The following CD53 variants were observed in gnomAD, a reference collection of about 807,000 sequenced individuals.
The protein encoded by CD53 is CD53 molecule.
CD53 carries 20 observed loss-of-function variants against 27.3 expected under a neutral mutation model. That is an observed-to-expected ratio of 0.73 (90% CI 0.52 to 1.07). CD53 has a LOEUF of 1.07. Ranked by LOEUF, CD53 falls within the 50% of genes least tolerant of loss-of-function variation. The probability of loss-of-function intolerance (pLI) is 0.00; values close to 1 mark genes in which losing one functional copy is unlikely to be tolerated. For missense variants in CD53, 216 were observed against 264.0 expected (o/e 0.82, Z 1.26); for synonymous variants, 106 against 105.3 (o/e 1.01, Z -0.04).
At chr1:110,872,071 C>T (rs1283439482), upstream of CD53, among the ~76,000 whole-genome samples, 3 of 152,120 alleles carry the variant, frequency 2.0e-5, no homozygotes, top group Admixed American at 2.0e-4. Context: ...GCCCGCAAGT[C>T]AGCACCGCAG....
intron 1 of CD53, among the ~76,000 whole-genome samples, chr1:110,873,585 T>C (rs1217804624): frequency 6.6e-6 from 1 of 152,214 alleles, no homozygotes; most frequent in Non-Finnish European, 1.5e-5. Flanking sequence ...AGATTTCCTA[T>C]GTGCTCTGGT....
rs184000743 is a variant in CD53, at chr1:110,885,610, C to T, written c.-17-5782C>T. The stretch of plus-strand genomic sequence containing the variant: ...AGGTGCGGTGGCTCAAGCCTGTAAT[C>T]CCAACACTTTAGGAGGCTGAGACAG... On this transcript the variant is annotated intron_variant, in intron 1 of 7. Transcript: ENST00000271324. 5.3e-5 allele frequency among the ~76,000 whole-genome samples: 8 copies of T among 152,018 alleles called. No homozygotes were observed. The East Asian group carries it at 1.5e-3, about 29-fold the overall frequency.
chr1:110,880,015 A>T (rs558156149), intron 1 of CD53, among the ~76,000 whole-genome samples: 3 of 152,348 alleles, frequency 2.0e-5, no homozygotes, highest in Non-Finnish European at 2.9e-5. Flanking sequence ...GCTCAAGCCC[A>T]TTGGAGGAAA....
Position 110,897,880 on chromosome 1 carries a change from A to G in CD53, c.576A>G (p.Val192=), listed in dbSNP as rs1318466144. 1.2e-6 allele frequency: 2 copies of G among 1,603,984 alleles called. No homozygotes were observed. The highest frequency in any genetic ancestry group is 1.7e-6 in the Non-Finnish European group (2 of 1,171,616). ...FLYIGIITIC[V]CVIEVLGMSF... The stretch of plus-strand genomic sequence containing the variant: ...ATATCGGAATCATCACCATCTGTGT[A>G]TGTGTGATTGAGGTAAGAGCTTAAC... The change falls in exon 7 of 8, where the codon GTA becomes GTG. Residue 192 remains valine, a synonymous_variant. Transcript: ENST00000271324.
Position 110,891,389 on chromosome 1 carries a change from T to C in CD53, c.-17-3T>C. 1 of 1,604,462 alleles carries C rather than the reference T, an allele frequency of 6.2e-7. No individual in the cohort carries two copies. ...ACTTACTTTCTTCTTCCTTATTCCT[T>C]AGGGCAAGAATATCACGGCATGGGC... On this transcript the variant is annotated splice_polypyrimidine_tract_variant and splice_region_variant and intron_variant, in intron 1 of 7. Transcript: ENST00000271324.
chr1:110,885,908 GA>G (rs567446409), intron 1 of CD53, among the ~76,000 whole-genome samples: 44 of 152,122 alleles, frequency 2.9e-4, no homozygotes, highest in Admixed American at 2.4e-3. Context: ...TAAATAACAA[GA>G]AAAAAAGTAT....
At chr1:110,896,480 A>G (rs564385184) in intron 5 of CD53, among the ~76,000 whole-genome samples, 173 bp from the exon 6 acceptor site, 1 of 152,330 alleles carries the variant, frequency 6.6e-6, no homozygotes, top group South Asian at 2.1e-4. Flanking sequence ...TGTGAATGAA[A>G]TGGTATAACA....
At chr1:110,893,447 C>T (rs766266489) in intron 3 of CD53, among the ~76,000 whole-genome samples, 6 of 152,138 alleles carry the variant, frequency 3.9e-5, no homozygotes, top group African/African-American at 9.7e-5. Context: ...CTCAGCCTCC[C>T]GAGTAGCTGG....
chr1:110,896,551 T>G, intron 5 of CD53, 102 bp from the exon 6 acceptor site: 1 of 1,054,374 alleles, frequency 9.5e-7, no homozygotes, highest in East Asian at 2.4e-5. Context: ...GGACTTCTGC[T>G]ATAGAGTCAG....
In CD53 at chr1:110,895,531, G is replaced by T. The variant is rs148821541; in HGVS notation, c.423+476G>T. On this transcript the variant is annotated intron_variant, in intron 5 of 7. Coordinates refer to ENST00000271324, the MANE Select transcript of CD53 (RefSeq NM_000560.4). ...GCATTCCTGACATGATGTGTTGGGA[G>T]ATAAAGATGGAGCCTTGCACCAGTA... is the stretch of plus-strand genomic sequence containing the variant. Among the ~76,000 whole-genome samples the T allele has an allele frequency of 5.9e-4, 90 of 152,224 alleles. 1 individual carries two copies. Among genetic ancestry groups the T allele is most frequent in the African/African-American group, 2.0e-3 (81 of 41,528 alleles).
intron 1 of CD53, among the ~76,000 whole-genome samples, chr1:110,886,869 A>ATATATATATATATATATAT (rs1298376721): frequency 3.6e-5 from 3 of 82,796 alleles, no homozygotes; most frequent in Non-Finnish European, 6.7e-5. Context: ...ATATATATAT[A>ATATATATATATATATATAT]TTTTTTTTTT....
chr1:110,895,771 CA>C (rs1445502666), intron 5 of CD53, among the ~76,000 whole-genome samples: 1 of 152,060 alleles, frequency 6.6e-6, no homozygotes. Context: ...AAGAGAAAAA[CA>C]GAAAAATGAA....
At position 110,899,758 on chromosome 1, in the gene CD53, C is replaced by G. The variant is rs796542334; in HGVS notation, c.*563C>G. On this transcript the variant is annotated 3_prime_UTR_variant, in exon 8 of 8. Coordinates refer to ENST00000271324, the MANE Select transcript of CD53 (RefSeq NM_000560.4). ...TATTAGAGGGCCTTATTGATGTGTT[C>G]TAAGTCTTTCCAGAAAAAAACTATC... 3.9e-5 allele frequency: 6 copies of G among 153,210 alleles called. No homozygotes were observed. Among genetic ancestry groups the G allele is most frequent in the African/African-American group, 1.4e-4 (6 of 41,536 alleles). 9.5% of individuals were successfully genotyped at this position (153,210 alleles called of 1,614,324 possible).
intron 5 of CD53, 110 bp from the exon 6 acceptor site, chr1:110,896,543 A>C (rs2101067170): frequency 1.0e-6 from 1 of 958,148 alleles, no homozygotes; most frequent in South Asian, 1.4e-5. Flanking sequence ...CCAATTCTGG[A>C]CTTCTGCTAT....
intron 1 of CD53, 89 bp from the exon 2 acceptor site, chr1:110,891,303 A>G (rs1018231496): frequency 7.7e-6 from 7 of 908,328 alleles, no homozygotes; most frequent in Non-Finnish European, 1.3e-5. Context: ...ACCCAAGGTA[A>G]TGCTAGAGAT....
chr1:110,899,293 C>A lies in CD53; in HGVS notation c.*98C>A. On this transcript the variant is annotated 3_prime_UTR_variant, in exon 8 of 8. Transcript: ENST00000271324. ...TACATGATCACTGCAGGATGATCCTCCTCCCATCCTTTCCCTTTTTAGGTC... is the reference window on the plus strand; with the variant it reads ...TACATGATCACTGCAGGATGATCCTACTCCCATCCTTTCCCTTTTTAGGTC... The A allele has an allele frequency of 2.4e-6, 2 of 830,344 alleles. No homozygotes were observed. Among genetic ancestry groups the A allele is most frequent in the East Asian group, 5.2e-5 (2 of 38,364 alleles). 51.4% of individuals were successfully genotyped at this position (830,344 alleles called of 1,614,324 possible).
intron 6 of CD53, among the ~76,000 whole-genome samples, chr1:110,897,089 C>T (rs958366897): frequency 4.6e-5 from 7 of 152,168 alleles, no homozygotes; most frequent in Non-Finnish European, 1.0e-4. Flanking sequence ...AAAGTTTCTC[C>T]CTCTCCCTCT....
chr1:110,881,345 A>C (rs1656347597), intron 1 of CD53, among the ~76,000 whole-genome samples: 1 of 152,054 alleles, frequency 6.6e-6, no homozygotes, highest in Non-Finnish European at 1.5e-5. Context: ...TATAACTGGA[A>C]TCATACAGAA....
chr1:110,879,440 ATGTTATTTGACC>A (rs2101041076), intron 1 of CD53, among the ~76,000 whole-genome samples: 1 of 152,360 alleles, frequency 6.6e-6, no homozygotes, highest in African/African-American at 2.4e-5. Context: ...ACAGAATACT[ATGTTATTTGACC>A]TGTTAATAAG....
Sources: allele counts gnomAD v4.1 joint callset (sites outside exome capture counted in the v4.1 genomes callset), GRCh38; gene constraint gnomAD v4.1.1; transcripts MANE v1.5; gene names NCBI Gene and HGNC (gene_info 2026-07-23, HGNC 2026-07-21).